AGAP1: variants seen among roughly 807,000 people sequenced by gnomAD.
AGAP1 encodes arf-GAP with GTPase, ANK repeat and PH domain-containing protein 1.
A neutral mutation model predicts 105.3 loss-of-function variants in AGAP1; 29 were observed. That is an observed-to-expected ratio of 0.28 (90% CI 0.21 to 0.38). The LOEUF is 0.38. Among genes scored for constraint, AGAP1 ranks in the 10% least tolerant of loss-of-function variants. The pLI is 1.00. For missense variants in AGAP1, 998 were observed against 1,165.1 expected (o/e 0.86, Z 2.09); for synonymous variants, 509 against 485.9 (o/e 1.05, Z -0.63).
intron 16 of AGAP1, among the ~76,000 whole-genome samples, chr2:236,118,296 A>T (rs2059818825): frequency 6.6e-6 from 1 of 151,620 alleles, no homozygotes; most frequent in Admixed American, 6.6e-5. Context: ...TGAATTTTGG[A>T]GAGGGCGATT....
intron 1 of AGAP1, chr2:235,669,909 CCGGCACTCGGGCGGCG>C (rs1948282776): frequency 6.7e-6 from 1 of 148,308 alleles, no homozygotes; most frequent in Admixed American, 6.7e-5. Context: ...GGCCCGGACC[CCGGCACTCGGGCGGCG>C]CGGCGCACGG....
rs976044673 is a variant in AGAP1 at position 235,970,105 on chromosome 2, G to C, written c.1645+1482G>C. On this transcript the variant is annotated intron_variant, in intron 13 of 17. Coordinates refer to ENST00000304032, the MANE Select transcript of AGAP1 (RefSeq NM_001037131.3). The surrounding 1 kb of genome is among the most constrained non-coding windows in gnomAD (Gnocchi z 5.4). Reference sequence around the variant, plus strand: ...TAATCCCAGCTACCTGAGAGGCTGAGGCAGGAGCATTGATTGAACCCAGGA... The same window carrying C: ...TAATCCCAGCTACCTGAGAGGCTGACGCAGGAGCATTGATTGAACCCAGGA... Among the ~76,000 whole-genome samples, 2 of 151,520 alleles carry C rather than the reference G, an allele frequency of 1.3e-5. No individual in the cohort carries two copies. Among genetic ancestry groups the C allele is most frequent in the African/African-American group, 4.9e-5 (2 of 41,188 alleles).
intron 1 of AGAP1, among the ~76,000 whole-genome samples, chr2:235,646,651 G>A (rs1445668193): frequency 6.6e-6 from 1 of 152,152 alleles, no homozygotes; most frequent in Non-Finnish European, 1.5e-5. Context: ...TTTTCCACCT[G>A]ATCTCTGACT....
At position 235,931,019 on chromosome 2, in the gene AGAP1, T is replaced by C; in HGVS notation, c.1483+96T>C. On this transcript the variant is annotated intron_variant, in intron 12 of 17. Transcript: ENST00000304032. The surrounding 1 kb of genome is among the most constrained non-coding windows in gnomAD (Gnocchi z 5.6). ...AGGACGCCCTAAGCTCTCATGCTCC[T>C]CTGGGAGCGCAGCACCCTGTGGGGC... 2 of 1,403,730 alleles carry C rather than the reference T, an allele frequency of 1.4e-6. No individual in the cohort carries two copies. Among genetic ancestry groups the C allele is most frequent in the Non-Finnish European group, 1.9e-6 (2 of 1,046,396 alleles). 87.0% of individuals were successfully genotyped at this position (1,403,730 alleles called of 1,614,324 possible). A position where few individuals can be genotyped will look rare whatever the true frequency, so the allele number is the denominator to read the frequency against.
At chr2:235,836,603 C>G (rs1011497990) in intron 9 of AGAP1, among the ~76,000 whole-genome samples, 74 of 152,214 alleles carry the variant, frequency 4.9e-4, no homozygotes, top group South Asian at 6.2e-4. Flanking sequence ...CACACTTTTT[C>G]TCCTCTTGGG....
At chr2:235,532,086 TAA>T (rs1487403193) in intron 1 of AGAP1, among the ~76,000 whole-genome samples, 2 of 152,204 alleles carry the variant, frequency 1.3e-5, no homozygotes, top group Non-Finnish European at 2.9e-5. Context: ...GTTTAACTTT[TAA>T]AAAAGTTATC....
chr2:236,105,333 G>T lies in AGAP1; in HGVS notation c.2115-14859G>T, dbSNP rs1475576595. Reference sequence around the variant, plus strand: ...AGGGGGAAAGATGGGCGGAGCGGGGGACCAAGGACAGAGAGGAAGACAAAG... The same window carrying T: ...AGGGGGAAAGATGGGCGGAGCGGGGTACCAAGGACAGAGAGGAAGACAAAG... On this transcript the variant is annotated intron_variant, in intron 16 of 17. Transcript: ENST00000304032. The surrounding 1 kb of genome is among the most constrained non-coding windows in gnomAD (Gnocchi z 4.2). Among the ~76,000 whole-genome samples the T allele has an allele frequency of 5.3e-5, 8 of 152,074 alleles. No individual in the cohort carries two copies. The South Asian group carries it at 6.2e-4, about 12-fold the overall frequency.
At chr2:235,987,181 T>C (rs2055351267) in intron 13 of AGAP1, among the ~76,000 whole-genome samples, 1 of 151,876 alleles carries the variant, frequency 6.6e-6, no homozygotes, top group South Asian at 2.1e-4. Flanking sequence ...TTTCAGAATT[T>C]GTTATTTGTC....
At chr2:235,986,996 T>A (rs1019643648) in intron 13 of AGAP1, among the ~76,000 whole-genome samples, 1 of 152,204 alleles carries the variant, frequency 6.6e-6, no homozygotes, top group Admixed American at 6.5e-5. Context: ...TAAAATGAGT[T>A]AGGGAGGAAT....
intron 13 of AGAP1, among the ~76,000 whole-genome samples, chr2:235,990,376 A>G (rs1575986522): frequency 1.3e-5 from 2 of 152,142 alleles, no homozygotes; most frequent in Non-Finnish European, 2.9e-5. Context: ...GGGTGCAGCT[A>G]GGAAGGCCTG....
In AGAP1 at chr2:236,022,320, G is replaced by A. The variant is rs569302124; in HGVS notation, c.1646-14241G>A. On this transcript the variant is annotated intron_variant, in intron 13 of 17. Transcript: ENST00000304032. ...TCACACTGTTCTAAATTAAGCCACAGGACAACACCTCTGTTGGACTCTCTT... is the reference window on the plus strand; with the variant it reads ...TCACACTGTTCTAAATTAAGCCACAAGACAACACCTCTGTTGGACTCTCTT... Among the ~76,000 whole-genome samples, 7 of 152,320 alleles carry A rather than the reference G, an allele frequency of 4.6e-5. No individual in the cohort carries two copies. The East Asian group carries it at 1.4e-3, about 29-fold the overall frequency.
chr2:235,782,141 A>G (rs1305269658), intron 6 of AGAP1, among the ~76,000 whole-genome samples: 2 of 152,214 alleles, frequency 1.3e-5, no homozygotes, highest in Non-Finnish European at 2.9e-5. Flanking sequence ...GAGAGGCTAC[A>G]GGCCAGACGC....
intron 16 of AGAP1, among the ~76,000 whole-genome samples, chr2:236,115,206 G>C (rs2125954203): frequency 6.6e-6 from 1 of 152,338 alleles, no homozygotes; most frequent in East Asian, 1.9e-4. Context: ...TGAATTATCA[G>C]AGAGGTTGTT....
At chr2:235,507,554 A>G (rs1559209540) in intron 1 of AGAP1, 1 of 152,026 alleles carries the variant, frequency 6.6e-6, no homozygotes, top group Non-Finnish European at 1.5e-5. Flanking sequence ...ACTGAATAAA[A>G]TCCGTAATAG....
In AGAP1 at chr2:235,623,121, C is replaced by G. The variant is rs1200363572; in HGVS notation, c.164-86058C>G. ...TTTCCAGTGGATTGCCTGATGTTCTCCAGGCTGCTACAGCTATGATATTTT... is the reference window on the plus strand; with the variant it reads ...TTTCCAGTGGATTGCCTGATGTTCTGCAGGCTGCTACAGCTATGATATTTT... On this transcript the variant is annotated intron_variant, in intron 1 of 17. Coordinates refer to ENST00000304032, the MANE Select transcript of AGAP1 (RefSeq NM_001037131.3). The surrounding 1 kb of genome is among the most constrained non-coding windows in gnomAD (Gnocchi z 4.5). Among the ~76,000 whole-genome samples the G allele has an allele frequency of 1.3e-5, 2 of 152,202 alleles. No homozygotes were observed. The highest frequency in any genetic ancestry group is 2.4e-5 in the African/African-American group (1 of 41,450).
chr2:235,990,448 C>A (rs2055517306), intron 13 of AGAP1, among the ~76,000 whole-genome samples: 1 of 152,202 alleles, frequency 6.6e-6, no homozygotes, highest in African/African-American at 2.4e-5. Flanking sequence ...CTGGCAACAT[C>A]CCGAATCCCA....
chr2:235,734,284 G>A lies in AGAP1; in HGVS notation c.311-6679G>A, dbSNP rs1353586269. Among the ~76,000 whole-genome samples, 1 of 152,074 alleles carries A rather than the reference G, an allele frequency of 6.6e-6. No homozygotes were observed. The highest frequency in any genetic ancestry group is 6.5e-5 in the Admixed American group (1 of 15,268). On this transcript the variant is annotated intron_variant, in intron 3 of 17. Coordinates refer to ENST00000304032, the MANE Select transcript of AGAP1 (RefSeq NM_001037131.3). The surrounding 1 kb of genome is among the most constrained non-coding windows in gnomAD (Gnocchi z 5.3). ...AGAATCCCAAACGTGTGGCCGAAAG[G>A]GACCCAGGACCTGCCAGCCATGCTC...
chr2:235,897,942 A>G (rs1363057024), intron 10 of AGAP1, among the ~76,000 whole-genome samples: 11 of 152,302 alleles, frequency 7.2e-5, no homozygotes, highest in Admixed American at 2.6e-4. Context: ...ATGGAAACCA[A>G]TCAAGGTGCG....
At position 235,959,993 on chromosome 2, in the gene AGAP1, G is replaced by A. The variant is rs781624580; in HGVS notation, c.1484-8469G>A. Among the ~76,000 whole-genome samples, 13 of 152,186 alleles carry A rather than the reference G, an allele frequency of 8.5e-5. No individual in the cohort carries two copies. The highest frequency in any genetic ancestry group is 3.3e-4 in the Admixed American group (5 of 15,288). ...AGTTGGAGTAAAATGTCCAGGGCCT[G>A]GGCTATGGAGTGTTGGAGCATTGCC... is the stretch of plus-strand genomic sequence containing the variant. On this transcript the variant is annotated intron_variant, in intron 12 of 17. Transcript: ENST00000304032. This position sits in a 1 kb window ranked among gnomAD's most constrained non-coding sequence, Gnocchi z 7.3.
Sources: gnomAD v4.1 joint callset for allele counts (sites outside exome capture counted in the v4.1 genomes callset) on GRCh38, gnomAD v4.1.1 for gene constraint, Gnocchi (gnomAD v3.1) non-coding constraint, MANE v1.5 for transcripts, NCBI Gene and HGNC (gene_info 2026-07-23, HGNC 2026-07-21) for gene names.